The following IP6K1 variants were observed in gnomAD, a reference collection of about 807,000 sequenced individuals.
IP6K1 encodes the protein ATP:1D-myo-inositol-hexakisphosphate phosphotransferase.
IP6K1 carries 13 observed loss-of-function variants against 38.3 expected under a neutral mutation model. That is an observed-to-expected ratio of 0.34 (90% CI 0.22 to 0.54). The LOEUF is 0.54. IP6K1 is among the 20% of genes least tolerant of loss of function. IP6K1 has a pLI of 0.92. For missense variants in IP6K1, 397 were observed against 599.8 expected (o/e 0.66, Z 3.53); for synonymous variants, 212 against 229.9 (o/e 0.92, Z 0.70).
At position 49,732,921 on chromosome 3, in the gene IP6K1, G is replaced by A. The variant is rs996654621; in HGVS notation, c.486C>T (p.Val162=). The change falls in exon 4 of 6, where the codon GTC becomes GTT. Residue 162 remains valine, a synonymous_variant. Transcript: ENST00000321599. ...TGTTGCCATCTAGCATCTGGAAAGG[G>A]ACCTCTGAGTGGCTGTGCAGCTCCA... ...PKVELHSHSE[V]PFQMLDGNSG... The A allele has an allele frequency of 1.2e-6, 2 of 1,614,056 alleles. No homozygotes were observed. Among genetic ancestry groups the A allele is most frequent in the East Asian group, 2.2e-5 (1 of 44,880 alleles).
chr3:49,744,409 A>G, intron 2 of IP6K1, among the ~76,000 whole-genome samples: 1 of 149,256 alleles, frequency 6.7e-6, no homozygotes, highest in Non-Finnish European at 1.5e-5. Flanking sequence ...CTCAAAAAAA[A>G]AAAAAAAAAA....
chr3:49,781,086 A>T (rs1351046191), intron 1 of IP6K1, among the ~76,000 whole-genome samples: 1 of 150,538 alleles, frequency 6.6e-6, no homozygotes, highest in Non-Finnish European at 1.5e-5. Flanking sequence ...TTTGAGACAG[A>T]GTTTCACTCT....
intron 1 of IP6K1, among the ~76,000 whole-genome samples, chr3:49,759,347 G>A (rs994480868): frequency 9.9e-5 from 15 of 152,108 alleles, no homozygotes; most frequent in African/African-American, 2.9e-4. Flanking sequence ...AAGGCAAAAC[G>A]TCCACCACAA....
Position 49,726,859 on chromosome 3 carries a change from G to T in IP6K1, c.*263C>A, listed in dbSNP as rs895362826. 2.2e-6 allele frequency: 1 copy of T among 461,258 alleles called. No individual in the cohort carries two copies. Among genetic ancestry groups the T allele is most frequent in the Non-Finnish European group, 3.8e-6 (1 of 263,322 alleles). 28.6% of individuals were successfully genotyped at this position (461,258 alleles called of 1,614,324 possible). A position where few individuals can be genotyped will look rare whatever the true frequency, so the allele number is the denominator to read the frequency against. Reference sequence around the variant, plus strand: ...CTGTCCCTGCTGCCAAGCCCACCAGGGGCACCTCTTCCTTCCTAAGGCAGC... The same window carrying T: ...CTGTCCCTGCTGCCAAGCCCACCAGTGGCACCTCTTCCTTCCTAAGGCAGC... On this transcript the variant is annotated 3_prime_UTR_variant, in exon 6 of 6. Coordinates refer to ENST00000321599, the MANE Select transcript of IP6K1 (RefSeq NM_153273.4).
chr3:49,762,166 G>A (rs915065111), intron 1 of IP6K1, among the ~76,000 whole-genome samples: 8 of 152,092 alleles, frequency 5.3e-5, no homozygotes, highest in Non-Finnish European at 1.0e-4. Flanking sequence ...GGCCCAGACT[G>A]GTCTCAAACT....
intron 1 of IP6K1, among the ~76,000 whole-genome samples, chr3:49,750,656 C>A (rs977358317): frequency 9.9e-5 from 15 of 151,676 alleles, no homozygotes; most frequent in Non-Finnish European, 2.9e-5. Flanking sequence ...GCCGAGATTG[C>A]GCCACTGCAC....
chr3:49,771,089 A>AG (rs1473450494), intron 1 of IP6K1, among the ~76,000 whole-genome samples: 1 of 151,784 alleles, frequency 6.6e-6, no homozygotes, highest in Non-Finnish European at 1.5e-5. Flanking sequence ...ACTACACTCC[A>AG]GCCTGGGCAA....
chr3:49,727,064 G>C lies in IP6K1; in HGVS notation c.*58C>G. ...TCTGTGTGTCCTCACGGCAAGTTCA[G>C]AACAATGGTCCCTGCCTGCAGTGGA... On this transcript the variant is annotated 3_prime_UTR_variant, in exon 6 of 6. Coordinates refer to ENST00000321599, the MANE Select transcript of IP6K1 (RefSeq NM_153273.4). The surrounding 1 kb of genome is among the most constrained non-coding windows in gnomAD (Gnocchi z 5.9). 9 of 1,497,414 alleles carry C rather than the reference G, an allele frequency of 6.0e-6. No individual in the cohort carries two copies. Among genetic ancestry groups the C allele is most frequent in the Non-Finnish European group, 8.1e-6 (9 of 1,112,502 alleles). The allele number at this position is 1,497,414 out of a possible 1,614,324, so 92.8% of individuals were successfully genotyped here.
chr3:49,752,816 C>A (rs539513797), intron 1 of IP6K1, among the ~76,000 whole-genome samples: 1 of 149,160 alleles, frequency 6.7e-6, no homozygotes, highest in African/African-American at 2.5e-5. Context: ...TGCAGTGGTG[C>A]GATCTTGGCT....
At chr3:49,731,905 A>AAAAAAAAAAAAAAAAAAAAAAAG (rs2080565992) in intron 4 of IP6K1, among the ~76,000 whole-genome samples, 1 of 142,460 alleles carries the variant, frequency 7.0e-6, no homozygotes, top group Non-Finnish European at 1.6e-5. Context: ...AAAAAAAAAA[A>AAAAAAAAAAAAAAAAAAAAAAAG]GGAATTCCTA....
rs913617207 is a variant in IP6K1 at position 49,724,892 on chromosome 3, C to G, written c.*2230G>C. On this transcript the variant is annotated 3_prime_UTR_variant, in exon 6 of 6. Transcript: ENST00000321599. Reference sequence around the variant, plus strand: ...GCCCAGGGAAGCACTATAGAGAGGGCTCACCTGAGCACCCCAACCCATGAT... The same window carrying G: ...GCCCAGGGAAGCACTATAGAGAGGGGTCACCTGAGCACCCCAACCCATGAT... The G allele has an allele frequency of 2.6e-5, 4 of 152,716 alleles. No individual in the cohort carries two copies. Among genetic ancestry groups the G allele is most frequent in the African/African-American group, 9.6e-5 (4 of 41,454 alleles). 9.5% of individuals were successfully genotyped at this position (152,716 alleles called of 1,614,324 possible).
intron 1 of IP6K1, among the ~76,000 whole-genome samples, chr3:49,749,989 C>T (rs561925490): frequency 6.6e-6 from 1 of 152,304 alleles, no homozygotes; most frequent in South Asian, 2.1e-4. Flanking sequence ...ATCTATGACT[C>T]CTAAGGTACC....
At chr3:49,779,859 CT>C (rs974214625) in intron 1 of IP6K1, among the ~76,000 whole-genome samples, 1 of 150,794 alleles carries the variant, frequency 6.6e-6, no homozygotes, top group South Asian at 2.1e-4. Flanking sequence ...TTAACTTTTA[CT>C]TTTTTTTTGC....
At chr3:49,749,527 T>A (rs2080753318) in intron 1 of IP6K1, among the ~76,000 whole-genome samples, 1 of 152,224 alleles carries the variant, frequency 6.6e-6, no homozygotes, top group South Asian at 2.1e-4. Context: ...GTCCCATATG[T>A]AAGAGACAAA....
At chr3:49,784,830 A>C (rs2081097402) in intron 1 of IP6K1, among the ~76,000 whole-genome samples, 1 of 152,030 alleles carries the variant, frequency 6.6e-6, no homozygotes, top group African/African-American at 2.4e-5. Flanking sequence ...CTGTAGTCCC[A>C]GCTACTCGGG....
chr3:49,784,729 G>A (rs2081096255), intron 1 of IP6K1, among the ~76,000 whole-genome samples: 1 of 151,526 alleles, frequency 6.6e-6, no homozygotes, highest in Middle Eastern at 3.2e-3. Flanking sequence ...GGTTGATCAT[G>A]AGGTCAGGAG....
chr3:49,780,341 C>CACACACACACACACACACACACACAG (rs1025490190), intron 1 of IP6K1, among the ~76,000 whole-genome samples: 3 of 152,036 alleles, frequency 2.0e-5, no homozygotes, highest in Admixed American at 6.6e-5. Context: ...CACACACACA[C>CACACACACACACACACACACACACAG]AGTCTTAGGC....
intron 3 of IP6K1, among the ~76,000 whole-genome samples, chr3:49,734,511 G>A (rs952249771): frequency 5.5e-5 from 8 of 145,614 alleles, no homozygotes; most frequent in African/African-American, 1.0e-4. Context: ...GGCATAAGTC[G>A]CACAGATTCA....
chr3:49,744,326 C>T (rs927925725), intron 2 of IP6K1, among the ~76,000 whole-genome samples: 2 of 141,374 alleles, frequency 1.4e-5, no homozygotes, highest in East Asian at 2.2e-4. Context: ...GGCGTGAACC[C>T]GGGGGGCAGA....
Sources: gnomAD v4.1 joint callset for allele counts (sites outside exome capture counted in the v4.1 genomes callset) on GRCh38, gnomAD v4.1.1 for gene constraint, Gnocchi (gnomAD v3.1) non-coding constraint, MANE v1.5 for transcripts, NCBI Gene and HGNC (gene_info 2026-07-23, HGNC 2026-07-21) for gene names.